The following WWOX variants were observed in gnomAD, a reference collection of about 807,000 sequenced individuals.
The protein encoded by WWOX is WW domain-containing oxidoreductase.
A neutral mutation model predicts 46.2 loss-of-function variants in WWOX; 69 were observed. The observed-to-expected ratio is 1.49, with a 90% CI of 1.23 to 1.82. WWOX has a LOEUF of 1.82. WWOX is among the 40% of genes most tolerant of loss of function. The pLI is 0.00. For missense variants in WWOX, 919 were observed against 542.6 expected (o/e 1.69, Z -6.89); for synonymous variants, 359 against 202.6 (o/e 1.77, Z -6.56).
rs1198844779 is a variant in WWOX at position 78,780,686 on chromosome 16, CA to C, written c.1056+347935del. Among the ~76,000 whole-genome samples, 6 of 152,120 alleles carry C rather than the reference CA, an allele frequency of 3.9e-5. No homozygotes were observed. The East Asian group carries it at 1.2e-3, about 29-fold the overall frequency. ...AGTGCAAGCGCTGCATGGGGGAGAA[CA>C]GTCTAGGCAAGGTGAACGGAAGTGC... On this transcript the variant is annotated intron_variant, in intron 8 of 8. Transcript: ENST00000566780.
intron 5 of WWOX, among the ~76,000 whole-genome samples, chr16:78,195,031 A>G (rs2036004608): frequency 6.6e-6 from 1 of 152,126 alleles, no homozygotes; most frequent in African/African-American, 2.4e-5. Context: ...TGAGTTTGCA[A>G]CTTCTTTTAT....
intron 8 of WWOX, among the ~76,000 whole-genome samples, chr16:79,156,703 C>G (rs2050388428): frequency 6.6e-6 from 1 of 151,502 alleles, no homozygotes; most frequent in Admixed American, 6.6e-5. Context: ...GCAGGTATCA[C>G]AGGATTTCAA....
chr16:78,664,455 C>G (rs375673250), intron 8 of WWOX, among the ~76,000 whole-genome samples: 2 of 152,306 alleles, frequency 1.3e-5, no homozygotes, highest in South Asian at 4.1e-4. Flanking sequence ...CTTCCTCGAT[C>G]AGGCTGGATC....
At position 78,811,090 on chromosome 16, in the gene WWOX, CTCG is replaced by C. The variant is rs138433062; in HGVS notation, c.1056+378341_1056+378343del. Among the ~76,000 whole-genome samples the C allele has an allele frequency of 8.9e-4, 136 of 152,266 alleles. 1 individual carries two copies. The East Asian group carries it at 0.023, about 26-fold the overall frequency. The stretch of plus-strand genomic sequence containing the variant: ...GTGTGCCAGTAAGACAACTCCTCTT[CTCG>C]TCTGGATTTTAGAGGAATGCAGTGA... On this transcript the variant is annotated intron_variant, in intron 8 of 8. Coordinates refer to ENST00000566780, the MANE Select transcript of WWOX (RefSeq NM_016373.4).
At chr16:79,184,632 A>C (rs1171653357) in intron 8 of WWOX, among the ~76,000 whole-genome samples, 1 of 152,198 alleles carries the variant, frequency 6.6e-6, no homozygotes, top group Non-Finnish European at 1.5e-5. Flanking sequence ...CCTGAGGGTC[A>C]ATATGGCATC....
At chr16:78,121,860 C>T (rs558788303) in intron 4 of WWOX, among the ~76,000 whole-genome samples, 2 of 152,142 alleles carry the variant, frequency 1.3e-5, no homozygotes, top group Admixed American at 6.5e-5. Context: ...AAGGTTTTGC[C>T]ATGTTGTCCA....
chr16:79,189,448 TGTGTGTGTGTGTGTGTGTGTG>T (rs1567607012), intron 8 of WWOX, among the ~76,000 whole-genome samples: 9 of 146,302 alleles, frequency 6.2e-5, no homozygotes, highest in Admixed American at 4.7e-4. Context: ...TGTGTGTGTG[TGTGTGTGTGTGTGTGTGTGTG>T]TGTGTGTGTT....
At chr16:78,952,322 A>C (rs1158633630) in intron 8 of WWOX, among the ~76,000 whole-genome samples, 1 of 149,712 alleles carries the variant, frequency 6.7e-6, no homozygotes, top group African/African-American at 2.5e-5. Flanking sequence ...AGTTCTGTGC[A>C]TTTCCTCTTG....
intron 6 of WWOX, among the ~76,000 whole-genome samples, chr16:78,392,617 G>C (rs552425091): frequency 6.6e-6 from 1 of 152,016 alleles, no homozygotes. Context: ...TCTGCAGTCT[G>C]TACTTTGGTG....
At chr16:78,916,202 A>G (rs2045247899) in intron 8 of WWOX, among the ~76,000 whole-genome samples, 1 of 152,204 alleles carries the variant, frequency 6.6e-6, no homozygotes, top group Non-Finnish European at 1.5e-5. Flanking sequence ...TTATGCTGAC[A>G]GTAGGGAGGA....
At chr16:78,821,161 C>T (rs564651976) in intron 8 of WWOX, among the ~76,000 whole-genome samples, 1 of 152,150 alleles carries the variant, frequency 6.6e-6, no homozygotes, top group Non-Finnish European at 1.5e-5. Context: ...TGGCCTTTCT[C>T]CTATTTGCCT....
At chr16:79,123,849 G>A (rs1197361595) in intron 8 of WWOX, among the ~76,000 whole-genome samples, 1 of 152,176 alleles carries the variant, frequency 6.6e-6, no homozygotes, top group Non-Finnish European at 1.5e-5. Flanking sequence ...AAGAGAAACT[G>A]ATTGATATAC....
At chr16:79,026,709 C>A (rs545909639) in intron 8 of WWOX, among the ~76,000 whole-genome samples, 1 of 150,058 alleles carries the variant, frequency 6.7e-6, no homozygotes, top group Admixed American at 6.6e-5. Context: ...CCTCCGCCTC[C>A]CGGGTTCACA....
At chr16:78,777,458 T>G (rs901502764) in intron 8 of WWOX, among the ~76,000 whole-genome samples, 3 of 152,140 alleles carry the variant, frequency 2.0e-5, no homozygotes, top group Non-Finnish European at 2.9e-5. Context: ...GCTGTCGTAT[T>G]GGAAAGCACA....
chr16:78,529,251 G>A (rs939711396), intron 8 of WWOX, among the ~76,000 whole-genome samples: 1 of 152,038 alleles, frequency 6.6e-6, no homozygotes. Flanking sequence ...TACTGTACCC[G>A]ACCAAGAACT....
intron 8 of WWOX, among the ~76,000 whole-genome samples, chr16:78,938,235 T>G (rs1314782939): frequency 6.6e-6 from 1 of 152,124 alleles, no homozygotes; most frequent in Admixed American, 6.5e-5. Context: ...CACCTGGACG[T>G]GAACTAGAGG....
chr16:79,169,000 C>A (rs991072064), intron 8 of WWOX, among the ~76,000 whole-genome samples: 1 of 152,210 alleles, frequency 6.6e-6, no homozygotes, highest in Non-Finnish European at 1.5e-5. Context: ...CCTTAAAAAT[C>A]TTTTCACCCC....
At chr16:79,019,415 G>A (rs2047486488) in intron 8 of WWOX, among the ~76,000 whole-genome samples, 1 of 151,988 alleles carries the variant, frequency 6.6e-6, no homozygotes, top group African/African-American at 2.4e-5. Flanking sequence ...GCGTACTGTA[G>A]GCAGTTGTAA....
intron 4 of WWOX, among the ~76,000 whole-genome samples, chr16:78,146,177 T>C (rs2034190770): frequency 6.6e-6 from 1 of 152,142 alleles, no homozygotes; most frequent in African/African-American, 2.4e-5. Flanking sequence ...TGTTGGGATC[T>C]TTTGGGGAGT....
Sources: allele counts gnomAD v4.1 joint callset (sites outside exome capture counted in the v4.1 genomes callset), GRCh38; gene constraint gnomAD v4.1.1; transcripts MANE v1.5; gene names NCBI Gene and HGNC (gene_info 2026-07-23, HGNC 2026-07-21).